The following ADAMTS17 variants were observed in gnomAD, a reference collection of about 807,000 sequenced individuals.
The protein encoded by ADAMTS17 is A disintegrin and metalloproteinase with thrombospondin motifs 17.
ADAMTS17 carries 113 observed loss-of-function variants against 141.5 expected under a neutral mutation model. The observed-to-expected ratio is 0.80, with a 90% CI of 0.69 to 0.93. ADAMTS17 has a LOEUF of 0.93. Among genes scored for constraint, ADAMTS17 ranks in the 40% least tolerant of loss-of-function variants. The pLI is 0.00. For missense variants in ADAMTS17, 1,659 were observed against 1,517.9 expected (o/e 1.09, Z -1.54); for synonymous variants, 768 against 630.6 (o/e 1.22, Z -3.27).
At chr15:100,163,064 ATG>A (rs1242159656) in intron 8 of ADAMTS17, among the ~76,000 whole-genome samples, 1 of 149,332 alleles carries the variant, frequency 6.7e-6, no homozygotes, top group Admixed American at 6.7e-5. Flanking sequence ...ATGTATATAT[ATG>A]TGTATACATA....
intron 8 of ADAMTS17, among the ~76,000 whole-genome samples, chr15:100,183,484 A>G (rs1191678340): frequency 6.6e-6 from 1 of 152,156 alleles, no homozygotes. Flanking sequence ...TCAGTTCTAT[A>G]ATTTTCATTG....
chr15:100,068,041 G>T (rs528735746), intron 15 of ADAMTS17, among the ~76,000 whole-genome samples: 14 of 152,224 alleles, frequency 9.2e-5, no homozygotes, highest in African/African-American at 3.1e-4. Flanking sequence ...GGAAAATCGG[G>T]TCACTCCCAC....
rs1199654203 is a variant in ADAMTS17, at chr15:100,070,005, T to C, written c.2138-15951A>G. On this transcript the variant is annotated intron_variant, in intron 15 of 21. Coordinates refer to ENST00000268070, the MANE Select transcript of ADAMTS17 (RefSeq NM_139057.4). Reference sequence around the variant, plus strand: ...TGCTGTATTCAGGAAATCCATCTCATGTGCAGAGACACACATAGGCTCAAA... The same window carrying C: ...TGCTGTATTCAGGAAATCCATCTCACGTGCAGAGACACACATAGGCTCAAA... 2.5e-4 allele frequency among the ~76,000 whole-genome samples: 37 copies of C among 150,184 alleles called. 2 individuals are homozygous for C. Among genetic ancestry groups the C allele is most frequent in the African/African-American group, 5.2e-4 (21 of 40,624 alleles).
intron 7 of ADAMTS17, among the ~76,000 whole-genome samples, chr15:100,247,528 G>A (rs190948190): frequency 3.2e-4 from 49 of 152,276 alleles, no homozygotes; most frequent in African/African-American, 1.1e-3. Context: ...CAGTGAGGAC[G>A]CCAGGGCTGG....
chr15:100,206,319 T>C (rs1411939216), intron 7 of ADAMTS17, among the ~76,000 whole-genome samples: 1 of 152,184 alleles, frequency 6.6e-6, no homozygotes, highest in African/African-American at 2.4e-5. Flanking sequence ...CAGGCTCCTG[T>C]GTGTGCACTT....
chr15:100,274,707 G>T (rs1210738857), intron 4 of ADAMTS17, among the ~76,000 whole-genome samples: 9 of 152,030 alleles, frequency 5.9e-5, no homozygotes, highest in Admixed American at 5.2e-4. Flanking sequence ...TTTCCATTTT[G>T]TTATTTGTTT....
chr15:100,014,569 C>A (rs116213904), intron 18 of ADAMTS17, among the ~76,000 whole-genome samples: 1 of 152,090 alleles, frequency 6.6e-6, no homozygotes, highest in Non-Finnish European at 1.5e-5. Flanking sequence ...TCATTACTGT[C>A]GTTCAGTTCT....
intron 3 of ADAMTS17, among the ~76,000 whole-genome samples, chr15:100,288,793 T>G (rs2044533332): frequency 6.6e-6 from 1 of 152,166 alleles, no homozygotes; most frequent in South Asian, 2.1e-4. Context: ...ATCAATGAAT[T>G]TTTTGAAACT....
In ADAMTS17 at chr15:100,047,209, C is replaced by G. The variant is rs1274201175; in HGVS notation, c.2591+1648G>C. ...ATAAATTTTGGTCAGACTGGTTGCTCTCAAACCCTATCTCCTGATAAGACG... is the reference window on the plus strand; with the variant it reads ...ATAAATTTTGGTCAGACTGGTTGCTGTCAAACCCTATCTCCTGATAAGACG... On this transcript the variant is annotated intron_variant, in intron 18 of 21. Coordinates refer to ENST00000268070, the MANE Select transcript of ADAMTS17 (RefSeq NM_139057.4). 2.0e-5 allele frequency among the ~76,000 whole-genome samples: 3 copies of G among 146,418 alleles called. No individual in the cohort carries two copies. In the East Asian group the frequency reaches 6.2e-4, roughly 30 times the overall value.
intron 3 of ADAMTS17, among the ~76,000 whole-genome samples, chr15:100,293,774 C>T (rs1567499753): frequency 6.6e-6 from 1 of 152,230 alleles, no homozygotes; most frequent in African/African-American, 2.4e-5. Flanking sequence ...CCTATCCCAA[C>T]ACCTAGCACT....
chr15:100,013,883 G>A (rs2061235785), intron 18 of ADAMTS17, among the ~76,000 whole-genome samples: 1 of 152,134 alleles, frequency 6.6e-6, no homozygotes, highest in Non-Finnish European at 1.5e-5. Flanking sequence ...TGGCATTAGG[G>A]TGATGCTGGC....
chr15:100,114,161 T>C (rs28370367), intron 13 of ADAMTS17, among the ~76,000 whole-genome samples: 4,161 of 117,216 alleles, frequency 0.035, 214 homozygotes, highest in African/African-American at 0.11. Context: ...CTTTCTTCTT[T>C]TTTTTTTTTT....
At chr15:100,339,723 C>G (rs1215647754) in intron 2 of ADAMTS17, among the ~76,000 whole-genome samples, 1 of 152,010 alleles carries the variant, frequency 6.6e-6, no homozygotes, top group Non-Finnish European at 1.5e-5. Context: ...CTCCAAGGGT[C>G]TATATCACTT....
chr15:100,072,913 A>G (rs1037308106), intron 15 of ADAMTS17, among the ~76,000 whole-genome samples: 1 of 151,698 alleles, frequency 6.6e-6, no homozygotes, highest in Non-Finnish European at 1.5e-5. Flanking sequence ...AAATGGGACA[A>G]AATTGACAAA....
At chr15:100,319,884 C>T (rs542690485) in intron 3 of ADAMTS17, among the ~76,000 whole-genome samples, 9 of 152,174 alleles carry the variant, frequency 5.9e-5, no homozygotes, top group African/African-American at 2.2e-4. Flanking sequence ...GAGCTGAGAT[C>T]CTGCCACTGC....
chr15:100,237,968 G>T (rs1156627793), intron 7 of ADAMTS17, among the ~76,000 whole-genome samples: 1 of 152,160 alleles, frequency 6.6e-6, no homozygotes, highest in African/African-American at 2.4e-5. Flanking sequence ...CAAGGAAATG[G>T]CAGAAGAAAG....
At chr15:100,012,839 T>TTTGC (rs2061214374) in intron 18 of ADAMTS17, among the ~76,000 whole-genome samples, 1 of 152,220 alleles carries the variant, frequency 6.6e-6, no homozygotes, top group Admixed American at 6.5e-5. Flanking sequence ...ATTTGTTCTT[T>TTTGC]TTGCTTAGTC....
intron 10 of ADAMTS17, among the ~76,000 whole-genome samples, chr15:100,141,870 G>C (rs2038672298): frequency 6.6e-6 from 1 of 152,246 alleles, no homozygotes; most frequent in African/African-American, 2.4e-5. Flanking sequence ...AGCGGAGACT[G>C]AGACAGGCAG....
At chr15:100,149,207 A>C (rs1372093388) in intron 10 of ADAMTS17, among the ~76,000 whole-genome samples, 1 of 152,214 alleles carries the variant, frequency 6.6e-6, no homozygotes, top group Non-Finnish European at 1.5e-5. Flanking sequence ...CACTGTCTTC[A>C]CCTGGATTTG....
Sources: allele counts gnomAD v4.1 joint callset (sites outside exome capture counted in the v4.1 genomes callset), GRCh38; gene constraint gnomAD v4.1.1; transcripts MANE v1.5; gene names NCBI Gene and HGNC (gene_info 2026-07-23, HGNC 2026-07-21).